Variants in PRDM5 observed in about 807,000 individuals in gnomAD.
PRDM5 encodes PR domain zinc finger protein 5.
Under a neutral mutation model 81.2 loss-of-function variants are expected in PRDM5, and 56 were observed. The observed-to-expected ratio is 0.69, with a 90% CI of 0.56 to 0.86. The LOEUF is 0.86. Among genes scored for constraint, PRDM5 ranks in the 40% least tolerant of loss-of-function variants. PRDM5 has a pLI of 0.00. For missense variants in PRDM5, 697 were observed against 770.1 expected, an observed-to-expected ratio of 0.91 and a Z score of 1.12; for synonymous variants, 267 against 256.4, an observed-to-expected ratio of 1.04 and a Z score of -0.39.
intron 7 of PRDM5, 26 bp downstream of exon 7, chr4:120,816,427 G>C (rs1051492849): frequency 1.2e-6 from 2 of 1,614,146 alleles, no homozygotes; most frequent in Admixed American, 1.7e-5. Context: ...AGCCCCTTCG[G>C]AAACGACCCT....
rs1579153846 is a variant in PRDM5 at position 120,895,384 on chromosome 4, G to C, written c.177+12090C>G. On this transcript the variant is annotated intron_variant, in intron 2 of 15. Transcript: ENST00000264808. ...AGAGAGAGAGAAAGAGACCTTATTAGAACAAGGCAACTGAGTACAAAAGGG... is the reference window on the plus strand; with the variant it reads ...AGAGAGAGAGAAAGAGACCTTATTACAACAAGGCAACTGAGTACAAAAGGG... The C allele has an allele frequency of 2.6e-5, 4 of 152,320 alleles. No homozygotes were observed. The South Asian group carries it at 8.3e-4, about 32-fold the overall frequency. The allele number at this position is 152,320 out of a possible 1,614,324, so 9.4% of individuals were successfully genotyped here. A position where few individuals can be genotyped will look rare whatever the true frequency, so the allele number is the denominator to read the frequency against.
chr4:120,767,056 T>C (rs1310302632), intron 13 of PRDM5, among the ~76,000 whole-genome samples: 1 of 152,134 alleles, frequency 6.6e-6, no homozygotes, highest in Non-Finnish European at 1.5e-5. Context: ...GAAGCAAGGA[T>C]ACAACCAGTT....
intron 3 of PRDM5, chr4:120,839,098 C>T (rs1757693773): frequency 4.9e-6 from 3 of 614,034 alleles, no homozygotes; most frequent in South Asian, 3.7e-5. Context: ...ACTGCAGCAC[C>T]CCAAAGAAGG....
At chr4:120,852,615 C>T (rs576531529) in intron 3 of PRDM5, among the ~76,000 whole-genome samples, 1 of 151,924 alleles carries the variant, frequency 6.6e-6, no homozygotes, top group Admixed American at 6.6e-5. Context: ...TTTAAACTTA[C>T]CAGCTCCTAT....
intron 2 of PRDM5, among the ~76,000 whole-genome samples, chr4:120,868,652 C>T (rs1223394162): frequency 1.3e-5 from 2 of 152,050 alleles, no homozygotes; most frequent in Non-Finnish European, 2.9e-5. Context: ...TAAAGAAAAA[C>T]CTGTTAATTT....
intron 3 of PRDM5, chr4:120,838,962 A>G (rs537348791): frequency 3.9e-6 from 2 of 514,556 alleles, no homozygotes; most frequent in South Asian, 5.6e-5. Context: ...AAGGGTGGGC[A>G]GCTCCAGGTG....
chr4:120,708,516 G>A (rs925193097), intron 15 of PRDM5, among the ~76,000 whole-genome samples: 1 of 152,096 alleles, frequency 6.6e-6, no homozygotes, highest in African/African-American at 2.4e-5. Context: ...ATTGGGTATG[G>A]AGTTTTATTT....
intron 12 of PRDM5, 107 bp downstream of exon 12, chr4:120,781,036 T>A: frequency 1.0e-6 from 1 of 990,430 alleles, no homozygotes; most frequent in East Asian, 2.6e-5. Flanking sequence ...TCATTTTGAG[T>A]AAATATTTTG....
At chr4:120,787,560 G>C (rs193104337) in intron 10 of PRDM5, among the ~76,000 whole-genome samples, 13 of 152,256 alleles carry the variant, frequency 8.5e-5, no homozygotes, top group African/African-American at 2.9e-4. Flanking sequence ...AGCTTATCCA[G>C]GTTGGTAGCC....
chr4:120,885,832 T>C (rs1055353018), intron 2 of PRDM5: 1 of 151,946 alleles, frequency 6.6e-6, no homozygotes, highest in Admixed American at 6.6e-5. Flanking sequence ...TTCTATAAGT[T>C]GTGATCAGAA....
At chr4:120,806,619 A>G (rs1449001727) in intron 8 of PRDM5, among the ~76,000 whole-genome samples, 1 of 152,226 alleles carries the variant, frequency 6.6e-6, no homozygotes, top group African/African-American at 2.4e-5. Flanking sequence ...TATTTAATAA[A>G]TGGTGCTGGG....
intron 4 of PRDM5, among the ~76,000 whole-genome samples, chr4:120,820,861 T>C (rs1266838051): frequency 2.0e-5 from 3 of 152,190 alleles, no homozygotes; most frequent in Non-Finnish European, 4.4e-5. Context: ...GGCAAGACTA[T>C]AAAAATCCTC....
chr4:120,709,430 G>C (rs1299387839), intron 15 of PRDM5, among the ~76,000 whole-genome samples: 1 of 152,180 alleles, frequency 6.6e-6, no homozygotes, highest in Non-Finnish European at 1.5e-5. Context: ...CCCACTGGGA[G>C]TACATTGTTG....
At chr4:120,736,968 T>G (rs1741205781) in intron 14 of PRDM5, among the ~76,000 whole-genome samples, 1 of 152,200 alleles carries the variant, frequency 6.6e-6, no homozygotes, top group Non-Finnish European at 1.5e-5. Context: ...AACACCATTT[T>G]CATTCATTTC....
chr4:120,798,199 C>T, intron 10 of PRDM5, 68 bp downstream of exon 10: 1 of 1,266,798 alleles, frequency 7.9e-7, no homozygotes, highest in Non-Finnish European at 1.1e-6. Flanking sequence ...AAAGCTTTAT[C>T]AAAAATAAAA....
chr4:120,785,020 CTG>C lies in PRDM5; in HGVS notation c.1258_1259del (p.Gln420GlufsTer7), dbSNP rs1749570799. 6.2e-7 allele frequency: 1 copy of C among 1,606,784 alleles called. No individual in the cohort carries two copies. Among genetic ancestry groups the C allele is most frequent in the African/African-American group, 1.3e-5 (1 of 74,762 alleles). On this transcript the variant is annotated frameshift_variant, in exon 11 of 16. Transcript: ENST00000264808. LOFTEE classifies it high-confidence loss of function. ...TACTGTTATGTATTAGCAGGTGTCT[CTG>C]TAAAGAAAATGGGGTCCGGAACAAA... is the stretch of plus-strand genomic sequence containing the variant. ...KALFRTPFSL[Q>X]RHLLIHNSER...
In PRDM5 at chr4:120,922,715, G is replaced by A. The variant is rs1725130966; in HGVS notation, c.-107C>T. Reference sequence around the variant, plus strand: ...AGGGTAGAGGGGAGAAACCGGCAGGGAAGGAGGAAATGGAGTTTTCCTCCC... The same window carrying A: ...AGGGTAGAGGGGAGAAACCGGCAGGAAAGGAGGAAATGGAGTTTTCCTCCC... On this transcript the variant is annotated 5_prime_UTR_variant, in exon 1 of 16. Transcript: ENST00000264808. 2.8e-6 allele frequency: 4 copies of A among 1,444,868 alleles called. No homozygotes were observed. The South Asian group carries it at 3.7e-5, about 13-fold the overall frequency. The allele number at this position is 1,444,868 out of a possible 1,614,324, so 89.5% of individuals were successfully genotyped here.
intron 3 of PRDM5, among the ~76,000 whole-genome samples, chr4:120,852,881 C>G (rs1386977338): frequency 6.7e-6 from 1 of 149,624 alleles, no homozygotes; most frequent in East Asian, 2.0e-4. Context: ...CTCACTGCAG[C>G]CTTGACCTCT....
intron 7 of PRDM5, 54 bp downstream of exon 7, chr4:120,816,399 T>C (rs947586023): frequency 6.2e-7 from 1 of 1,613,872 alleles, no homozygotes; most frequent in Non-Finnish European, 8.5e-7. Flanking sequence ...AACAGATCGC[T>C]GCAGCCTGGG....
Sources: allele counts gnomAD v4.1 joint callset (sites outside exome capture counted in the v4.1 genomes callset), GRCh38; gene constraint gnomAD v4.1.1; transcripts MANE v1.5; gene names NCBI Gene and HGNC (gene_info 2026-07-23, HGNC 2026-07-21).